The following PRM1 variants were observed in gnomAD, a reference collection of about 807,000 sequenced individuals.
The protein encoded by PRM1 is sperm protamine P1.
In PRM1, 4 loss-of-function variants were observed where a neutral mutation model predicts 4.8. That is an observed-to-expected ratio of 0.83 (90% confidence interval 0.41 to 1.91). The LOEUF (loss-of-function observed/expected upper bound fraction) is 1.91. Among genes scored for constraint, PRM1 ranks in the 40% most tolerant of loss-of-function variants. PRM1 has a pLI of 0.03. For missense variants in PRM1, 88 were observed against 75.7 expected, an observed-to-expected ratio of 1.16 and a Z score of -0.61; for synonymous variants, 29 against 22.7, an observed-to-expected ratio of 1.28 and a Z score of -0.79.
Position 11,281,249 on chromosome 16 carries a change from G to A in PRM1, c.-11C>T. 6.2e-7 allele frequency: 1 copy of A among 1,611,862 alleles called. No homozygotes were observed. The highest frequency in any genetic ancestry group is 1.3e-5 in the African/African-American group (1 of 75,034). The stretch of plus-strand genomic sequence containing the variant: ...TCTGTACCTGGCCATGGTGCAGGAT[G>A]GGCTTGGCCTGAATGCTCAGAGCAG... On this transcript the variant is annotated 5_prime_UTR_variant, in exon 1 of 2. Coordinates refer to ENST00000312511, the MANE Select transcript of PRM1 (RefSeq NM_002761.3).
Position 11,280,960 on chromosome 16 carries a change from C to T in PRM1, c.*32G>A. On this transcript the variant is annotated 3_prime_UTR_variant, in exon 2 of 2. Transcript: ENST00000312511. The stretch of plus-strand genomic sequence containing the variant: ...CTTGAAGTCTGGTAACATTCTCAGG[C>T]AGGAGTTTGGTGGATGTGCTATTTT... 6.2e-7 allele frequency: 1 copy of T among 1,600,446 alleles called. No individual in the cohort carries two copies. The highest frequency in any genetic ancestry group is 8.6e-7 in the Non-Finnish European group (1 of 1,167,334).
chr16:11,281,066 A>T (rs1356194040), intron 1 of PRM1, 31 bp from the exon 2 acceptor site: 1 of 1,614,098 alleles, frequency 6.2e-7, no homozygotes. Flanking sequence ...GGTGAGAGGA[A>T]GGCTGGGCCC....
chr16:11,281,002 C>G lies in PRM1; in HGVS notation c.146G>C (p.Arg49Thr). 1 of 1,613,830 alleles carries G rather than the reference C, an allele frequency of 6.2e-7. No individual in the cohort carries two copies. The highest frequency in any genetic ancestry group is 2.2e-5 in the East Asian group (1 of 44,882). The change falls in exon 2 of 2, where the codon AGA becomes ACA. Residue 49 changes from arginine (R) to threonine (T), a missense_variant. Physicochemically the swap from Arg to Thr is moderately conservative, Grantham distance 71. Coordinates refer to ENST00000312511, the MANE Select transcript of PRM1 (RefSeq NM_002761.3). ...TGCTATTTTGTGCAATTAGTGTCTT[C>G]TACATCGCGGTCTGTACCTGGGGCG... Reference protein sequence around the residue: ...CCRPRYRPRCRRH With the variant: ...CCRPRYRPRCTRH
In PRM1 at chr16:11,281,297, C is replaced by T; in HGVS notation, c.-59G>A. The T allele has an allele frequency of 1.4e-6, 2 of 1,476,144 alleles. No homozygotes were observed. Among genetic ancestry groups the T allele is most frequent in the South Asian group, 1.1e-5 (1 of 88,262 alleles). The allele number at this position is 1,476,144 out of a possible 1,614,324, so 91.4% of individuals were successfully genotyped here. A position where few individuals can be genotyped will look rare whatever the true frequency, so the allele number is the denominator to read the frequency against. On this transcript the variant is annotated 5_prime_UTR_variant, in exon 1 of 2. Coordinates refer to ENST00000312511, the MANE Select transcript of PRM1 (RefSeq NM_002761.3). ...CAGGGCACCACCTTGGCTGAGCCAGCCAACCTGTGAGCAGGTGGAACTCTG... is the reference window on the plus strand; with the variant it reads ...CAGGGCACCACCTTGGCTGAGCCAGTCAACCTGTGAGCAGGTGGAACTCTG...
In PRM1 at chr16:11,281,134, TCTCCTCCGTGTCTGGCAGCTCCGC is replaced by T; in HGVS notation, c.81_104del (p.Arg28_Arg35del). On this transcript the variant is annotated inframe_deletion, in exon 1 of 2. Coordinates refer to ENST00000312511, the MANE Select transcript of PRM1 (RefSeq NM_002761.3). Reference sequence around the variant, plus strand: ...TCAGCTGGGCCCACTTACTCATGGCTCTCCTCCGTGTCTGGCAGCTCCGCCTCCTTCGTCTGCGACTTCTTTGTC... The same window carrying T: ...TCAGCTGGGCCCACTTACTCATGGCTCTCCTTCGTCTGCGACTTCTTTGTC... 1.2e-6 allele frequency: 2 copies of T among 1,614,208 alleles called. No homozygotes were observed. Among genetic ancestry groups the T allele is most frequent in the Non-Finnish European group, 1.7e-6 (2 of 1,180,046 alleles).
rs747365927 is a variant in PRM1 at position 11,281,245 on chromosome 16, G to A, written c.-7C>T. 1.2e-6 allele frequency: 2 copies of A among 1,612,812 alleles called. No homozygotes were observed. The highest frequency in any genetic ancestry group is 1.1e-5 in the South Asian group (1 of 91,070). On this transcript the variant is annotated 5_prime_UTR_variant, in exon 1 of 2. Coordinates refer to ENST00000312511, the MANE Select transcript of PRM1 (RefSeq NM_002761.3). ...AGCATCTGTACCTGGCCATGGTGCA[G>A]GATGGGCTTGGCCTGAATGCTCAGA...
rs1597710153 is a variant in PRM1, at chr16:11,280,936, T to C, written c.*56A>G. ...ATTTTCAAGATGTGGCAAGAGGATC[T>C]TGAAGTCTGGTAACATTCTCAGGCA... On this transcript the variant is annotated 3_prime_UTR_variant, in exon 2 of 2. Transcript: ENST00000312511. 1 of 1,563,964 alleles carries C rather than the reference T, an allele frequency of 6.4e-7. No individual in the cohort carries two copies. The highest frequency in any genetic ancestry group is 2.2e-5 in the East Asian group (1 of 44,686).
In PRM1 at chr16:11,281,241, T is replaced by C. The variant is rs373551842; in HGVS notation, c.-3A>G. 3 of 1,613,390 alleles carry C rather than the reference T, an allele frequency of 1.9e-6. No individual in the cohort carries two copies. In the African/African-American group the frequency reaches 4.0e-5, roughly 22 times the overall value. On this transcript the variant is annotated 5_prime_UTR_variant, in exon 1 of 2. Coordinates refer to ENST00000312511, the MANE Select transcript of PRM1 (RefSeq NM_002761.3). ...CGACAGCATCTGTACCTGGCCATGG[T>C]GCAGGATGGGCTTGGCCTGAATGCT... is the stretch of plus-strand genomic sequence containing the variant.
Position 11,281,219 on chromosome 16 carries a change from C to T in PRM1, c.20G>A (p.Cys7Tyr). 6.2e-7 allele frequency: 1 copy of T among 1,614,150 alleles called. No individual in the cohort carries two copies. The highest frequency in any genetic ancestry group is 8.5e-7 in the Non-Finnish European group (1 of 1,180,050). The change falls in exon 1 of 2, where the codon TGT becomes TAT. Residue 7 changes from cysteine to tyrosine, a missense_variant. Transcript: ENST00000312511. ...ATATCTGCTCCGGCTCTGGCTGCGA[C>T]AGCATCTGTACCTGGCCATGGTGCA... MARYRC[C>Y]RSQSRSRYYR...
chr16:11,280,935 C>T lies in PRM1; in HGVS notation c.*57G>A. ...CATTTTCAAGATGTGGCAAGAGGATCTTGAAGTCTGGTAACATTCTCAGGC... is the reference window on the plus strand; with the variant it reads ...CATTTTCAAGATGTGGCAAGAGGATTTTGAAGTCTGGTAACATTCTCAGGC... On this transcript the variant is annotated 3_prime_UTR_variant, in exon 2 of 2. Transcript: ENST00000312511. The T allele has an allele frequency of 6.4e-7, 1 of 1,561,154 alleles. No homozygotes were observed. Among genetic ancestry groups the T allele is most frequent in the Non-Finnish European group, 8.8e-7 (1 of 1,131,514 alleles).
At position 11,280,865 on chromosome 16, in the gene PRM1, G is replaced by A; in HGVS notation, c.*127C>T. The A allele has an allele frequency of 9.2e-7, 1 of 1,084,972 alleles. No homozygotes were observed. The highest frequency in any genetic ancestry group is 1.4e-6 in the Non-Finnish European group (1 of 697,338). 67.2% of individuals were successfully genotyped at this position (1,084,972 alleles called of 1,614,324 possible). On this transcript the variant is annotated 3_prime_UTR_variant, in exon 2 of 2. Coordinates refer to ENST00000312511, the MANE Select transcript of PRM1 (RefSeq NM_002761.3). ...ATGACTTTTCAACATTTATTGACAG[G>A]CGGCATTGTTCCTTAGCAGGCTCCT...
Position 11,280,852 on chromosome 16 carries a change from C to T in PRM1, c.*140G>A, listed in dbSNP as rs1198178179. The T allele has an allele frequency of 5.7e-6, 6 of 1,044,482 alleles. No individual in the cohort carries two copies. The highest frequency in any genetic ancestry group is 2.4e-5 in the East Asian group (1 of 42,206). The allele number at this position is 1,044,482 out of a possible 1,614,324, so 64.7% of individuals were successfully genotyped here. A position where few individuals can be genotyped will look rare whatever the true frequency, so the allele number is the denominator to read the frequency against. Reference sequence around the variant, plus strand: ...AGAGAAGAGTGGGATGACTTTTCAACATTTATTGACAGGCGGCATTGTTCC... The same window carrying T: ...AGAGAAGAGTGGGATGACTTTTCAATATTTATTGACAGGCGGCATTGTTCC... On this transcript the variant is annotated 3_prime_UTR_variant, in exon 2 of 2. Transcript: ENST00000312511.
chr16:11,281,068 G>A (rs527532523), intron 1 of PRM1, 33 bp from the exon 2 acceptor site: 1 of 1,614,078 alleles, frequency 6.2e-7, no homozygotes, highest in Non-Finnish European at 8.5e-7. Flanking sequence ...TGAGAGGAAG[G>A]CTGGGCCCTG....
Position 11,280,950 on chromosome 16 carries a change from C to G in PRM1, c.*42G>C. 6.3e-7 allele frequency: 1 copy of G among 1,588,406 alleles called. No individual in the cohort carries two copies. Among genetic ancestry groups the G allele is most frequent in the Non-Finnish European group, 8.6e-7 (1 of 1,156,292 alleles). ...GCAAGAGGATCTTGAAGTCTGGTAACATTCTCAGGCAGGAGTTTGGTGGAT... is the reference window on the plus strand; with the variant it reads ...GCAAGAGGATCTTGAAGTCTGGTAAGATTCTCAGGCAGGAGTTTGGTGGAT... On this transcript the variant is annotated 3_prime_UTR_variant, in exon 2 of 2. Coordinates refer to ENST00000312511, the MANE Select transcript of PRM1 (RefSeq NM_002761.3).
intron 1 of PRM1, 27 bp from the exon 2 acceptor site, chr16:11,281,062 A>T: frequency 6.2e-7 from 1 of 1,614,120 alleles, no homozygotes; most frequent in South Asian, 1.1e-5. Context: ...AAGTGGTGAG[A>T]GGAAGGCTGG....
chr16:11,281,298 C>A lies in PRM1; in HGVS notation c.-60G>T. 6.8e-7 allele frequency: 1 copy of A among 1,467,618 alleles called. No homozygotes were observed. Among genetic ancestry groups the A allele is most frequent in the South Asian group, 1.1e-5 (1 of 88,060 alleles). The allele number at this position is 1,467,618 out of a possible 1,614,324, so 90.9% of individuals were successfully genotyped here. On this transcript the variant is annotated 5_prime_UTR_variant, in exon 1 of 2. Coordinates refer to ENST00000312511, the MANE Select transcript of PRM1 (RefSeq NM_002761.3). ...AGGGCACCACCTTGGCTGAGCCAGC[C>A]AACCTGTGAGCAGGTGGAACTCTGT...
rs2141151928 is a variant in PRM1, at chr16:11,281,177, C to A, written c.62G>T (p.Arg21Ile). 1 of 1,614,110 alleles carries A rather than the reference C, an allele frequency of 6.2e-7. No homozygotes were observed. Among genetic ancestry groups the A allele is most frequent in the Middle Eastern group, 1.6e-4 (1 of 6,062 alleles). Residue 21 changes from arginine to isoleucine, a missense_variant, in exon 1 of 2, where the codon AGA becomes ATA. By Grantham distance (97) the Arg-to-Ile change is moderately conservative. Coordinates refer to ENST00000312511, the MANE Select transcript of PRM1 (RefSeq NM_002761.3). ...SRSRYYRQRQ[R>I]SRRRRRRSCQ... The stretch of plus-strand genomic sequence containing the variant: ...GCTCCGCCTCCTTCGTCTGCGACTT[C>A]TTTGTCTCTGGCGGTAATATCTGCT...
Position 11,281,115 on chromosome 16 carries a change from G to A in PRM1, c.112+12C>T. On this transcript the variant is annotated intron_variant, in intron 1 of 1. Transcript: ENST00000312511. ...CCTCAGCCCCAGCCCACCCTCAGCT[G>A]GGCCCACTTACTCATGGCTCTCCTC... The A allele has an allele frequency of 6.2e-7, 1 of 1,613,992 alleles. No individual in the cohort carries two copies. The highest frequency in any genetic ancestry group is 8.5e-7 in the Non-Finnish European group (1 of 1,179,866).
chr16:11,281,188 G>A lies in PRM1; in HGVS notation c.51C>T (p.Arg17=). 8.7e-6 allele frequency: 14 copies of A among 1,614,142 alleles called. No individual in the cohort carries two copies. The highest frequency in any genetic ancestry group is 1.1e-5 in the Non-Finnish European group (13 of 1,180,038). Residue 17 remains arginine (R), a synonymous_variant, in exon 1 of 2, where the codon CGC becomes CGT. Coordinates refer to ENST00000312511, the MANE Select transcript of PRM1 (RefSeq NM_002761.3). ...CRSQSRSRYY[R]QRQRSRRRRR... ...TTCGTCTGCGACTTCTTTGTCTCTG[G>A]CGGTAATATCTGCTCCGGCTCTGGC...
Sources: allele counts gnomAD v4.1 joint callset, GRCh38; gene constraint gnomAD v4.1.1; transcripts MANE v1.5; gene names NCBI Gene and HGNC (gene_info 2026-07-23, HGNC 2026-07-21).